SHANK2: variants seen among roughly 807,000 people sequenced by gnomAD.
The protein encoded by SHANK2 is SH3 and multiple ankyrin repeat domains 2.
In SHANK2, 43 loss-of-function variants were observed where a neutral mutation model predicts 133.7. That is an observed-to-expected ratio of 0.32 (90% confidence interval 0.25 to 0.41). The LOEUF is 0.41. Ranked by LOEUF, SHANK2 falls within the 10% of genes least tolerant of loss-of-function variation. SHANK2 has a pLI of 1.00. For synonymous variants in SHANK2, 1,017 were observed against 952.8 expected (o/e 1.07, Z -1.24); for missense variants, 1,994 against 2,235.8 (o/e 0.89, Z 2.18).
At chr11:70,718,083 C>T (rs1945983059) in intron 14 of SHANK2, among the ~76,000 whole-genome samples, 1 of 152,104 alleles carries the variant, frequency 6.6e-6, no homozygotes. Flanking sequence ...ATGCATCAGT[C>T]ACTAGTCTAA....
chr11:70,933,595 G>A (rs1481893666), intron 10 of SHANK2, among the ~76,000 whole-genome samples: 1 of 152,120 alleles, frequency 6.6e-6, no homozygotes, highest in African/African-American at 2.4e-5. Context: ...GACAACAATG[G>A]GTATATATGT....
chr11:71,137,299 T>A (rs1164361897), intron 3 of SHANK2, among the ~76,000 whole-genome samples: 6 of 112,738 alleles, frequency 5.3e-5, no homozygotes, highest in African/African-American at 1.1e-4. Context: ...AATCCTTACT[T>A]AAAAAAAAAA....
At chr11:70,896,073 G>A (rs79349078) in intron 11 of SHANK2, among the ~76,000 whole-genome samples, 16 of 152,236 alleles carry the variant, frequency 1.1e-4, no homozygotes, top group African/African-American at 2.6e-4. Flanking sequence ...GGACAAATGC[G>A]TAACGACATG....
intron 14 of SHANK2, among the ~76,000 whole-genome samples, chr11:70,787,182 C>T (rs1947679881): frequency 2.8e-5 from 4 of 143,798 alleles, no homozygotes; most frequent in Admixed American, 1.4e-4. Context: ...ATGACCACCA[C>T]CAACACCAGC....
In SHANK2 at chr11:70,485,839, G is replaced by A; in HGVS notation, c.4454C>T (p.Ala1485Val). The change falls in exon 25 of 26, where the codon GCC (alanine) becomes GTC (valine). Residue 1485 changes from alanine to valine, a missense_variant. Ala to Val is a moderately conservative substitution (Grantham distance 64). Transcript: ENST00000601538. This position sits in a 1 kb window ranked among gnomAD's most constrained non-coding sequence, Gnocchi z 5.8. ...CTCCTCGATCCCAGAGTCGGCGACG[G>A]CGTCAAAGCTTTCAGGGGGTGGCAG... is the stretch of plus-strand genomic sequence containing the variant. ...SFLPPPESFD[A>V]VADSGIEEVD... 6.2e-7 allele frequency: 1 copy of A among 1,614,022 alleles called. No individual in the cohort carries two copies. The highest frequency in any genetic ancestry group is 1.1e-5 in the South Asian group (1 of 91,072).
At chr11:70,788,427 A>G in intron 14 of SHANK2, among the ~76,000 whole-genome samples, 1 of 152,184 alleles carries the variant, frequency 6.6e-6, no homozygotes, top group East Asian at 1.9e-4. Flanking sequence ...TGCCATTCTG[A>G]GTAGCGTGAT....
At chr11:70,868,516 G>A (rs1464108014) in intron 11 of SHANK2, among the ~76,000 whole-genome samples, 2 of 152,228 alleles carry the variant, frequency 1.3e-5, no homozygotes, top group African/African-American at 2.4e-5. Flanking sequence ...GTGGCACAGA[G>A]AGGTTAAGTA....
chr11:70,488,336 G>C (rs556474567), intron 24 of SHANK2, among the ~76,000 whole-genome samples: 1 of 152,192 alleles, frequency 6.6e-6, no homozygotes, highest in Non-Finnish European at 1.5e-5. Flanking sequence ...TGAGCCCCAC[G>C]GCTGCCCAGA....
At chr11:70,845,931 G>A (rs1232049090) in intron 11 of SHANK2, among the ~76,000 whole-genome samples, 6 of 152,184 alleles carry the variant, frequency 3.9e-5, no homozygotes, top group African/African-American at 7.2e-5. Flanking sequence ...AGGAAACGGA[G>A]CCGTCAGAGG....
At chr11:71,203,363 C>T (rs575304361) in intron 2 of SHANK2, among the ~76,000 whole-genome samples, 1 of 152,190 alleles carries the variant, frequency 6.6e-6, no homozygotes, top group African/African-American at 2.4e-5. Flanking sequence ...AATCAGAGAG[C>T]TAATAAATGG....
rs957173861 is a variant in SHANK2 at position 71,061,357 on chromosome 11, T to C, written c.1030-4799A>G. On this transcript the variant is annotated intron_variant, in intron 9 of 25. Coordinates refer to ENST00000601538, the MANE Select transcript of SHANK2 (RefSeq NM_012309.5). ...GCACCTCCCTAACGTGGTCACACAT[T>C]CACAGAAATGACCACGCTGGCAGGA... Among the ~76,000 whole-genome samples, 1,411 of 152,330 alleles carry C rather than the reference T, an allele frequency of 9.3e-3. 25 individuals are homozygous for C. The highest frequency in any genetic ancestry group is 0.032 in the African/African-American group (1,331 of 41,568).
intron 8 of SHANK2, among the ~76,000 whole-genome samples, chr11:71,090,676 C>G (rs1448999896): frequency 6.7e-6 from 1 of 149,374 alleles, no homozygotes; most frequent in African/African-American, 2.5e-5. Context: ...TACATAGATA[C>G]ATTTATATGT....
At chr11:70,790,108 T>G (rs187055292) in intron 14 of SHANK2, among the ~76,000 whole-genome samples, 9 of 152,382 alleles carry the variant, frequency 5.9e-5, no homozygotes, top group Non-Finnish European at 1.3e-4. Context: ...TTATCTTTGT[T>G]TCTTAGTCAA....
chr11:71,191,003 A>G (rs1367024832), intron 2 of SHANK2, among the ~76,000 whole-genome samples: 1 of 152,024 alleles, frequency 6.6e-6, no homozygotes, highest in African/African-American at 2.4e-5. Context: ...GGGGCTCACC[A>G]AGAAATACCT....
chr11:70,845,214 A>G (rs549940002), intron 11 of SHANK2, among the ~76,000 whole-genome samples: 354 of 150,340 alleles, frequency 2.4e-3, no homozygotes, highest in Non-Finnish European at 3.3e-3. Context: ...AAAAAAAAAA[A>G]AAAAAGAAAA....
At position 70,553,246 on chromosome 11, in the gene SHANK2, C is replaced by G. The variant is rs147048902; in HGVS notation, c.2062-50315G>C. Among the ~76,000 whole-genome samples, 105 of 152,096 alleles carry G rather than the reference C, an allele frequency of 6.9e-4. 1 individual carries two copies. The East Asian group carries it at 0.02, about 29-fold the overall frequency. On this transcript the variant is annotated intron_variant, in intron 17 of 25. Transcript: ENST00000601538. Reference sequence around the variant, plus strand: ...CTGGGACTACAGCTGCCCACCACCACGCCAGGCTAATTTTTTTTGTAATTT... The same window carrying G: ...CTGGGACTACAGCTGCCCACCACCAGGCCAGGCTAATTTTTTTTGTAATTT...
intron 14 of SHANK2, among the ~76,000 whole-genome samples, chr11:70,712,377 G>A (rs546031265): frequency 3.3e-5 from 5 of 152,244 alleles, no homozygotes; most frequent in Admixed American, 2.6e-4. Flanking sequence ...AGAGCTTCTG[G>A]ACATTAGGAC....
intron 8 of SHANK2, among the ~76,000 whole-genome samples, chr11:71,077,489 T>C (rs1951237070): frequency 6.6e-6 from 1 of 152,160 alleles, no homozygotes; most frequent in Non-Finnish European, 1.5e-5. Context: ...GCTTCCATTT[T>C]CCACTTTTCC....
At chr11:71,196,611 G>A (rs369078045) in intron 2 of SHANK2, among the ~76,000 whole-genome samples, 30 of 152,052 alleles carry the variant, frequency 2.0e-4, no homozygotes, top group African/African-American at 6.0e-4. Flanking sequence ...TGCTAAAAAG[G>A]GAGAGAGACT....
Sources: gnomAD v4.1 joint callset for allele counts (sites outside exome capture counted in the v4.1 genomes callset) on GRCh38, gnomAD v4.1.1 for gene constraint, Gnocchi (gnomAD v3.1) non-coding constraint, MANE v1.5 for transcripts, NCBI Gene and HGNC (gene_info 2026-07-23, HGNC 2026-07-21) for gene names.